The following PINX1 variants were observed in gnomAD, a reference collection of about 807,000 sequenced individuals.
PINX1 encodes PIN2 (TERF1) interacting telomerase inhibitor 1.
PINX1 carries 34 observed loss-of-function variants against 25.4 expected under a neutral mutation model. The ratio of observed to expected loss-of-function variants is 1.34; its 90% CI spans 1.02 to 1.78. The LOEUF (loss-of-function observed/expected upper bound fraction) is 1.78, where lower values mean the gene tolerates loss of function less well. PINX1 is among the 40% of genes most tolerant of loss of function. The pLI, the probability that PINX1 is intolerant of heterozygous loss-of-function variation, is 0.00. For missense variants in PINX1, 592 were observed against 404.9 expected, an observed-to-expected ratio of 1.46 and a Z score of -3.97; for synonymous variants, 197 against 147.7, an observed-to-expected ratio of 1.33 and a Z score of -2.42.
chr8:10,793,867 C>A (rs1802001260), intron 6 of PINX1, among the ~76,000 whole-genome samples: 1 of 152,090 alleles, frequency 6.6e-6, no homozygotes, highest in Non-Finnish European at 1.5e-5. Context: ...TTCCTTATGA[C>A]CTGTACAGAT....
intron 2 of PINX1, among the ~76,000 whole-genome samples, chr8:10,833,314 C>T (rs944902868): frequency 2.2e-4 from 34 of 152,328 alleles, no homozygotes; most frequent in African/African-American, 8.2e-4. Flanking sequence ...GGCTAGATCT[C>T]ACATAACCTA....
intron 6 of PINX1, among the ~76,000 whole-genome samples, chr8:10,770,449 C>G (rs1162037717): frequency 6.6e-6 from 1 of 152,152 alleles, no homozygotes; most frequent in Non-Finnish European, 1.5e-5. Flanking sequence ...CTGAAAGATG[C>G]CTGAAGCTAC....
intron 6 of PINX1, among the ~76,000 whole-genome samples, chr8:10,817,699 A>T (rs1797743105): frequency 6.6e-6 from 1 of 152,114 alleles, no homozygotes; most frequent in Non-Finnish European, 1.5e-5. Flanking sequence ...GGCTCCTCGG[A>T]TGGGGATGTA....
Position 10,820,271 on chromosome 8 carries a change from T to G in PINX1, c.395-2A>C, listed in dbSNP as rs1258881449. 2 of 1,604,808 alleles carry G rather than the reference T, an allele frequency of 1.2e-6. No homozygotes were observed. The highest frequency in any genetic ancestry group is 1.7e-6 in the Non-Finnish European group (2 of 1,172,172). On this transcript the variant is annotated splice_acceptor_variant, in intron 5 of 6. Coordinates refer to ENST00000314787, the MANE Select transcript of PINX1 (RefSeq NM_017884.6). LOFTEE classifies it high-confidence loss of function. ...TGCTCCGAGATGACAGATCCTTCCCTAGAAAAACAATGTGATGCTTTTCAG... is the reference window on the plus strand; with the variant it reads ...TGCTCCGAGATGACAGATCCTTCCCGAGAAAAACAATGTGATGCTTTTCAG...
In PINX1 at chr8:10,770,316, G is replaced by A. The variant is rs185778917; in HGVS notation, c.472-4400C>T. 1.6e-3 allele frequency among the ~76,000 whole-genome samples: 241 copies of A among 152,320 alleles called. 5 individuals carry two copies. In the South Asian group the frequency reaches 0.038, roughly 24 times the overall value. On this transcript the variant is annotated intron_variant, in intron 6 of 6. Transcript: ENST00000314787. ...ACGATTAGAGCTGGAGAATCTTAACGCCATCTCTGGCAATTCCGAATTATC... is the reference window on the plus strand; with the variant it reads ...ACGATTAGAGCTGGAGAATCTTAACACCATCTCTGGCAATTCCGAATTATC...
At chr8:10,823,462 GATTGAC>G (rs1214134308) in intron 5 of PINX1, among the ~76,000 whole-genome samples, 1 of 151,842 alleles carries the variant, frequency 6.6e-6, no homozygotes, top group Non-Finnish European at 1.5e-5. Flanking sequence ...GCTTTGTATC[GATTGAC>G]ATTTTCCCCT....
chr8:10,785,400 C>G (rs926457334), intron 6 of PINX1, among the ~76,000 whole-genome samples: 2 of 152,190 alleles, frequency 1.3e-5, no homozygotes, highest in Non-Finnish European at 2.9e-5. Context: ...TCCAATCATG[C>G]TTCGGTGATA....
In PINX1 at chr8:10,834,713, T is replaced by A. The variant is rs192454865; in HGVS notation, c.82A>T (p.Lys28Ter). 4 of 1,613,978 alleles carry A rather than the reference T, an allele frequency of 2.5e-6. No individual in the cohort carries two copies. The highest frequency in any genetic ancestry group is 3.4e-6 in the Non-Finnish European group (4 of 1,179,872). The change falls in exon 2 of 7, where the codon AAG (lysine) becomes TAG (stop). Residue 28 changes from lysine to a stop codon, truncating the protein, a stop_gained. Transcript: ENST00000314787. LOFTEE classifies it high-confidence loss of function. ...TTCTCTAGCATCCGCTGGCCAAACTTGGAATCGTCATTACTCCAGGCAGTG... is the reference window on the plus strand; with the variant it reads ...TTCTCTAGCATCCGCTGGCCAAACTAGGAATCGTCATTACTCCAGGCAGTG... ...QNTAWSNDDS[K>*]FGQRMLEKMG...
intron 6 of PINX1, among the ~76,000 whole-genome samples, chr8:10,804,191 G>C (rs1469186234): frequency 6.6e-6 from 1 of 152,352 alleles, no homozygotes; most frequent in East Asian, 1.9e-4. Context: ...AGCGCAGTGA[G>C]AGGCAGGATG....
intron 6 of PINX1, among the ~76,000 whole-genome samples, chr8:10,773,326 T>C (rs1428751894): frequency 6.6e-6 from 1 of 152,214 alleles, no homozygotes; most frequent in East Asian, 1.9e-4. Context: ...CCTACCTTTC[T>C]GAACTGTGTC....
intron 6 of PINX1, among the ~76,000 whole-genome samples, chr8:10,775,385 A>T (rs1801355693): frequency 6.8e-6 from 1 of 148,106 alleles, no homozygotes; most frequent in Non-Finnish European, 1.5e-5. Context: ...ATCAGGGGTA[A>T]AGGATTAGTT....
chr8:10,765,949 A>G (rs925845519), intron 6 of PINX1, 33 bp from the exon 7 acceptor site: 2 of 1,602,522 alleles, frequency 1.2e-6, no homozygotes, highest in Non-Finnish European at 8.5e-7. Context: ...AAGGCAGGTA[A>G]GCATCAACTG....
intron 5 of PINX1, among the ~76,000 whole-genome samples, chr8:10,825,030 G>C (rs1412897318): frequency 6.6e-6 from 1 of 152,208 alleles, no homozygotes; most frequent in Non-Finnish European, 1.5e-5. Flanking sequence ...AACGGAGGAA[G>C]CGGAAGAGCC....
rs111419220 is a variant in PINX1 at position 10,812,894 on chromosome 8, G to A, written c.471+7299C>T. 8.7e-3 allele frequency among the ~76,000 whole-genome samples: 1,326 copies of A among 152,336 alleles called. 15 individuals are homozygous for A. The highest frequency in any genetic ancestry group is 0.03 in the African/African-American group (1,257 of 41,574). ...CAATTTGGCTTAGGTTAAACTTGTG[G>A]TCAGGATACATGTCCTACCTTCTAA... On this transcript the variant is annotated intron_variant, in intron 6 of 6. Transcript: ENST00000314787.
chr8:10,802,925 A>C (rs536883505), intron 6 of PINX1, among the ~76,000 whole-genome samples: 2 of 152,238 alleles, frequency 1.3e-5, no homozygotes, highest in Non-Finnish European at 2.9e-5. Flanking sequence ...TTAAGGAAGA[A>C]ATAAACTAGG....
rs1399406514 is a variant in PINX1, at chr8:10,839,785, T to G, written c.-29A>C. On this transcript the variant is annotated 5_prime_UTR_variant, in exon 1 of 7. Coordinates refer to ENST00000314787, the MANE Select transcript of PINX1 (RefSeq NM_017884.6). The stretch of plus-strand genomic sequence containing the variant: ...GGAGAGCCTGTGATACCGCCGCCTC[T>G]GGACCTGGGTGACTGCGGCCACTGG... 3 of 1,596,050 alleles carry G rather than the reference T, an allele frequency of 1.9e-6. No homozygotes were observed. The highest frequency in any genetic ancestry group is 2.6e-6 in the Non-Finnish European group (3 of 1,170,366).
intron 6 of PINX1, among the ~76,000 whole-genome samples, chr8:10,799,337 T>C (rs1485818663): frequency 6.6e-6 from 1 of 152,192 alleles, no homozygotes; most frequent in Non-Finnish European, 1.5e-5. Flanking sequence ...CTTCACGTGT[T>C]TGCTGTTGCT....
chr8:10,835,134 T>C (rs1313027399), intron 1 of PINX1, among the ~76,000 whole-genome samples: 3 of 152,208 alleles, frequency 2.0e-5, no homozygotes, highest in Non-Finnish European at 4.4e-5. Context: ...TCAGCAGTAG[T>C]AGCAGCAGCA....
intron 5 of PINX1, among the ~76,000 whole-genome samples, chr8:10,824,927 C>T (rs973485750): frequency 6.6e-6 from 1 of 152,186 alleles, no homozygotes; most frequent in Admixed American, 6.5e-5. Flanking sequence ...GCCAAGGAAG[C>T]CTGTATTCTG....
Sources: gnomAD v4.1 joint callset for allele counts (sites outside exome capture counted in the v4.1 genomes callset) on GRCh38, gnomAD v4.1.1 for gene constraint, MANE v1.5 for transcripts, NCBI Gene and HGNC (gene_info 2026-07-23, HGNC 2026-07-21) for gene names.